Variants in RABGAP1L observed in about 807,000 individuals in gnomAD.
The protein encoded by RABGAP1L is RAB GTPase activating protein 1 like, also known as rab GTPase-activating protein 1-like.
In RABGAP1L, 63 loss-of-function variants were observed where a neutral mutation model predicts 137.7. The ratio of observed to expected loss-of-function variants is 0.46; its 90% CI spans 0.37 to 0.56. RABGAP1L has a LOEUF of 0.56. Among genes scored for constraint, RABGAP1L ranks in the 20% least tolerant of loss-of-function variants. The probability of loss-of-function intolerance (pLI) is 0.00; values close to 1 mark genes in which losing one functional copy is unlikely to be tolerated. For missense variants in RABGAP1L, 1,095 were observed against 1,244.0 expected (o/e 0.88, Z 1.80); for synonymous variants, 431 against 433.7 (o/e 0.99, Z 0.08).
intron 19 of RABGAP1L, among the ~76,000 whole-genome samples, chr1:174,930,270 C>G (rs1663575035): frequency 6.6e-6 from 1 of 152,004 alleles, no homozygotes; most frequent in Admixed American, 6.6e-5. Context: ...ATCCTCCTGC[C>G]TCAGCCTCTC....
intron 14 of RABGAP1L, among the ~76,000 whole-genome samples, chr1:174,678,725 A>G (rs1677830556): frequency 6.6e-6 from 1 of 152,142 alleles, no homozygotes; most frequent in African/African-American, 2.4e-5. Flanking sequence ...ACGGCTTCCA[A>G]GAAATGGAAT....
chr1:174,216,160 T>C (rs986256558), intron 1 of RABGAP1L, among the ~76,000 whole-genome samples: 2 of 152,048 alleles, frequency 1.3e-5, no homozygotes, highest in Non-Finnish European at 2.9e-5. Flanking sequence ...AGTGGGAAGG[T>C]GGGATGGGTA....
chr1:174,238,341 C>T (rs1204694336), intron 4 of RABGAP1L, among the ~76,000 whole-genome samples: 8 of 152,298 alleles, frequency 5.3e-5, no homozygotes, highest in South Asian at 4.1e-4. Flanking sequence ...GGAGGAGAGA[C>T]GCTCTGCGTT....
At chr1:174,829,715 GTAATTACTAATGTAATA>G (rs899017022) in intron 19 of RABGAP1L, among the ~76,000 whole-genome samples, 2 of 148,592 alleles carry the variant, frequency 1.3e-5, no homozygotes, top group Non-Finnish European at 3.0e-5. Flanking sequence ...GATTGCTAAT[GTAATTACTAATGTAATA>G]TAATTACTAA....
chr1:174,285,132 TCAG>T (rs914187319), intron 10 of RABGAP1L, among the ~76,000 whole-genome samples: 4 of 152,160 alleles, frequency 2.6e-5, no homozygotes, highest in Non-Finnish European at 4.4e-5. Flanking sequence ...TTCTCCTGCT[TCAG>T]CCTCCTGAGT....
intron 17 of RABGAP1L, among the ~76,000 whole-genome samples, chr1:174,741,040 G>GTT (rs1234675421): frequency 7.0e-5 from 8 of 114,886 alleles, no homozygotes; most frequent in African/African-American, 3.0e-4. Flanking sequence ...TGATTTTTTT[G>GTT]TTTTGTTTTT....
chr1:174,908,389 A>G (rs1349120549), intron 19 of RABGAP1L, among the ~76,000 whole-genome samples: 3 of 152,240 alleles, frequency 2.0e-5, no homozygotes, highest in Admixed American at 2.0e-4. Flanking sequence ...AGAATAGACC[A>G]TATCTTAGAC....
chr1:174,681,737 G>A (rs942509413), intron 14 of RABGAP1L, among the ~76,000 whole-genome samples: 1 of 150,460 alleles, frequency 6.6e-6, no homozygotes, highest in Non-Finnish European at 1.5e-5. Context: ...GGGAGTTCCA[G>A]ACTCTGTGCT....
chr1:174,665,855 A>T (rs1020421004), intron 14 of RABGAP1L, among the ~76,000 whole-genome samples: 3 of 152,388 alleles, frequency 2.0e-5, no homozygotes, highest in African/African-American at 7.2e-5. Context: ...ATATGTAAAT[A>T]AATGGAACAG....
At chr1:174,655,635 A>G (rs957074279) in intron 14 of RABGAP1L, among the ~76,000 whole-genome samples, 3 of 152,224 alleles carry the variant, frequency 2.0e-5, no homozygotes, top group Non-Finnish European at 4.4e-5. Context: ...TATTTTGTGT[A>G]GAGATACTTC....
chr1:174,254,097 GT>G (rs796127326), intron 7 of RABGAP1L, among the ~76,000 whole-genome samples: 15 of 146,256 alleles, frequency 1.0e-4, no homozygotes, highest in South Asian at 2.2e-4. Flanking sequence ...GTTATCTGCT[GT>G]TTTTTTTTTT....
At chr1:174,806,655 G>A (rs1689329187) in intron 18 of RABGAP1L, among the ~76,000 whole-genome samples, 1 of 152,230 alleles carries the variant, frequency 6.6e-6, no homozygotes, top group African/African-American at 2.4e-5. Flanking sequence ...AGGATGGTGA[G>A]ATAGTAGCAC....
intron 13 of RABGAP1L, among the ~76,000 whole-genome samples, chr1:174,608,860 C>G (rs938787431): frequency 6.6e-6 from 1 of 152,068 alleles, no homozygotes; most frequent in East Asian, 1.9e-4. Context: ...ATATCCTGAC[C>G]TATTAAAAGA....
chr1:174,745,293 G>GA (rs1245364862), intron 17 of RABGAP1L, among the ~76,000 whole-genome samples: 1 of 152,174 alleles, frequency 6.6e-6, no homozygotes, highest in Non-Finnish European at 1.5e-5. Flanking sequence ...CCAAGGGACT[G>GA]AACATGAAAG....
At chr1:174,317,088 G>C (rs1349273809) in intron 11 of RABGAP1L, among the ~76,000 whole-genome samples, 1 of 151,982 alleles carries the variant, frequency 6.6e-6, no homozygotes, top group African/African-American at 2.4e-5. Context: ...CTGTCCAAGA[G>C]TCAAGTTCTG....
chr1:174,698,324 T>C (rs1377198723), intron 15 of RABGAP1L, among the ~76,000 whole-genome samples: 1 of 152,208 alleles, frequency 6.6e-6, no homozygotes, highest in African/African-American at 2.4e-5. Context: ...CTTCAGACTT[T>C]ATTCCCTGTT....
chr1:174,523,955 A>G (rs910371653), intron 13 of RABGAP1L, among the ~76,000 whole-genome samples: 1 of 152,184 alleles, frequency 6.6e-6, no homozygotes, highest in African/African-American at 2.4e-5. Context: ...CATTGCTGCA[A>G]TGACAAGATT....
At chr1:174,548,982 G>A (rs1666234370) in intron 13 of RABGAP1L, among the ~76,000 whole-genome samples, 1 of 152,082 alleles carries the variant, frequency 6.6e-6, no homozygotes, top group Non-Finnish European at 1.5e-5. Flanking sequence ...AAATTTAGTG[G>A]CCGATACTTG....
At position 174,217,804 on chromosome 1, in the gene RABGAP1L, T is replaced by A. The variant is rs146320147; in HGVS notation, c.-33-1321T>A. ...TATTCTTGAAATTTTTGATTTTTTATAAAGTTGGAAAGTAATTACTTTTTA... is the reference window on the plus strand; with the variant it reads ...TATTCTTGAAATTTTTGATTTTTTAAAAAGTTGGAAAGTAATTACTTTTTA... On this transcript the variant is annotated intron_variant, in intron 1 of 25. Coordinates refer to ENST00000681986, the MANE Select transcript of RABGAP1L (RefSeq NM_001366446.1). Among the ~76,000 whole-genome samples the A allele has an allele frequency of 6.8e-4, 103 of 152,258 alleles. No homozygotes were observed. The East Asian group carries it at 0.016, about 24-fold the overall frequency.
Sources: allele counts gnomAD v4.1 joint callset (sites outside exome capture counted in the v4.1 genomes callset), GRCh38; gene constraint gnomAD v4.1.1; transcripts MANE v1.5; gene names NCBI Gene and HGNC (gene_info 2026-07-23, HGNC 2026-07-21).